Variants in GAS6 observed in about 807,000 individuals in gnomAD.
GAS6 encodes the protein growth arrest-specific protein 6.
Under a neutral mutation model 75.8 loss-of-function variants are expected in GAS6, and 41 were observed. That is an observed-to-expected ratio of 0.54 (90% CI 0.42 to 0.70). GAS6 has a LOEUF of 0.70. Ranked by LOEUF, GAS6 falls within the 30% of genes least tolerant of loss-of-function variation. The pLI is 0.00. For missense variants in GAS6, 854 were observed against 940.2 expected (o/e 0.91, Z 1.20); for synonymous variants, 432 against 412.6 (o/e 1.05, Z -0.57).
At chr13:113,823,598 C>A (rs2051490762) in intron 12 of GAS6, 48 bp from the exon 13 acceptor site, 1 of 1,551,770 alleles carries the variant, frequency 6.4e-7, no homozygotes, top group Non-Finnish European at 8.8e-7. Context: ...GGTGGAGAGG[C>A]CACAGTGAGG....
chr13:113,830,046 G>A (rs1174599235), intron 10 of GAS6, among the ~76,000 whole-genome samples: 1 of 152,270 alleles, frequency 6.6e-6, no homozygotes. Context: ...TGGGCCAGGA[G>A]GGCCCTCGAT....
chr13:113,832,796 C>T (rs760126260), intron 8 of GAS6, 44 bp from the exon 9 acceptor site: 1 of 1,610,954 alleles, frequency 6.2e-7, no homozygotes, highest in South Asian at 1.1e-5. Flanking sequence ...GTGGCCTTCA[C>T]TCCTGCTCCC....
rs751197313 is a variant in GAS6 at position 113,820,923 on chromosome 13, A to G, written c.1978T>C (p.Tyr660His). ...TGGGCCGTGATGTCGCTGTGCTTGTACGCCGCCTCGTCCAGGTCCAGCAGC... is the reference window on the plus strand; with the variant it reads ...TGGGCCGTGATGTCGCTGTGCTTGTGCGCCGCCTCGTCCAGGTCCAGCAGC... ...RRLLDLDEAA[Y>H]KHSDITAHSC... Residue 660 changes from tyrosine to histidine, a missense_variant, in exon 15 of 15, where the codon TAC becomes CAC. Coordinates refer to ENST00000327773, the MANE Select transcript of GAS6 (RefSeq NM_000820.4). 1 of 1,612,184 alleles carries G rather than the reference A, an allele frequency of 6.2e-7. No homozygotes were observed. Among genetic ancestry groups the G allele is most frequent in the Non-Finnish European group, 8.5e-7 (1 of 1,179,876 alleles).
At chr13:113,833,425 GT>G (rs1566360077) in intron 8 of GAS6, 2 of 993,880 alleles carry the variant, frequency 2.0e-6, no homozygotes, top group Non-Finnish European at 2.4e-6. Context: ...CCGAGAAGCT[GT>G]CCTGGTGACT....
At chr13:113,835,362 C>T (rs1566361912) in intron 7 of GAS6, 151 bp downstream of exon 7, 1 of 924,764 alleles carries the variant, frequency 1.1e-6, no homozygotes, top group Non-Finnish European at 1.6e-6. Context: ...GGTGGTAGCA[C>T]AGGCCATTAC....
At position 113,838,053 on chromosome 13, in the gene GAS6, C is replaced by A; in HGVS notation, c.589+16G>T. ...GGGAGAGGAGAGAGGAGAGAGGCCT[C>A]ACCCCAGGGCCTTACCTTGGCAGGT... On this transcript the variant is annotated intron_variant, in intron 6 of 14. Transcript: ENST00000327773. The A allele has an allele frequency of 6.2e-7, 1 of 1,611,488 alleles. No individual in the cohort carries two copies.
In GAS6 at chr13:113,844,550, G is replaced by A. The variant is rs372682339; in HGVS notation, c.343+1977C>T. ...GCAACACTGTTCAGACACAGTCTCC[G>A]ATATATGAATGGCAAGCCCAGTTAA... On this transcript the variant is annotated intron_variant, in intron 4 of 14. Coordinates refer to ENST00000327773, the MANE Select transcript of GAS6 (RefSeq NM_000820.4). The surrounding 1 kb of genome is among the most constrained non-coding windows in gnomAD (Gnocchi z 5.7). 19 of 150,628 alleles carry A rather than the reference G, an allele frequency of 1.3e-4. 1 individual carries two copies. Among genetic ancestry groups the A allele is most frequent in the African/African-American group, 4.7e-4 (19 of 40,042 alleles). 9.3% of individuals were successfully genotyped at this position (150,628 alleles called of 1,614,324 possible).
At position 113,863,614 on chromosome 13, in the gene GAS6, G is replaced by A. The variant is rs1397617596; in HGVS notation, c.216C>T (p.Arg72=). ...TCTCGAACACCTCCCGCGCCTCCTC[G>A]CGGCTGCACAGCTCCTCCACGCACT... ...ERECVEELCS[R]EEAREVFEND... The change falls in exon 2 of 15, where the codon CGC becomes CGT. Residue 72 remains arginine, a synonymous_variant. Coordinates refer to ENST00000327773, the MANE Select transcript of GAS6 (RefSeq NM_000820.4). The surrounding 1 kb of genome is among the most constrained non-coding windows in gnomAD (Gnocchi z 9.4). 1 of 1,525,082 alleles carries A rather than the reference G, an allele frequency of 6.6e-7. No individual in the cohort carries two copies. The allele number at this position is 1,525,082 out of a possible 1,614,324, so 94.5% of individuals were successfully genotyped here.
chr13:113,856,213 C>T (rs1275942755), intron 2 of GAS6, among the ~76,000 whole-genome samples: 2 of 152,238 alleles, frequency 1.3e-5, no homozygotes, highest in African/African-American at 4.8e-5. Flanking sequence ...CACACCAGCA[C>T]CACTCAGCCC....
intron 2 of GAS6, among the ~76,000 whole-genome samples, chr13:113,861,971 G>C (rs1594212501): frequency 6.6e-6 from 1 of 152,230 alleles, no homozygotes; most frequent in African/African-American, 2.4e-5. Context: ...GCCACATGCA[G>C]GAGGGTGAGG....
rs1337920038 is a variant in GAS6 at position 113,820,648 on chromosome 13, T to G, written c.*216A>C. On this transcript the variant is annotated 3_prime_UTR_variant, in exon 15 of 15. Coordinates refer to ENST00000327773, the MANE Select transcript of GAS6 (RefSeq NM_000820.4). ...AGAGAATTATTTTCTTCGAGCCCGC[T>G]CTGCGCTGCGCCGGCCTCCCCGCGC... 1 of 546,088 alleles carries G rather than the reference T, an allele frequency of 1.8e-6. No homozygotes were observed. The highest frequency in any genetic ancestry group is 3.3e-6 in the Non-Finnish European group (1 of 307,050). 33.8% of individuals were successfully genotyped at this position (546,088 alleles called of 1,614,324 possible).
At chr13:113,824,011 C>A (rs73583237) in intron 12 of GAS6, among the ~76,000 whole-genome samples, 3 of 145,114 alleles carry the variant, frequency 2.1e-5, no homozygotes, top group Admixed American at 2.0e-4. Flanking sequence ...AGATAGCATG[C>A]GGACAGGAGC....
chr13:113,832,806 C>T (rs1349508661), intron 8 of GAS6, 54 bp from the exon 9 acceptor site: 2 of 1,610,022 alleles, frequency 1.2e-6, no homozygotes, highest in Admixed American at 1.7e-5. Flanking sequence ...CTCCTGCTCC[C>T]CTGAGCCCCA....
rs145138676 is a variant in GAS6 at position 113,855,303 on chromosome 13, T to G, written c.256-7253A>C. On this transcript the variant is annotated intron_variant, in intron 2 of 14. Coordinates refer to ENST00000327773, the MANE Select transcript of GAS6 (RefSeq NM_000820.4). ...TTGGAGTTTGGGGCCTAGGCTTCCA[T>G]CAGAGTCTTCCCCACAGAAAGCGAA... Among the ~76,000 whole-genome samples the G allele has an allele frequency of 1.1e-3, 173 of 152,214 alleles. 1 individual carries two copies. Among genetic ancestry groups the G allele is most frequent in the African/African-American group, 3.6e-3 (150 of 41,550 alleles).
chr13:113,833,077 A>G (rs2051650397), intron 8 of GAS6: 1 of 1,232,270 alleles, frequency 8.1e-7, no homozygotes, highest in Non-Finnish European at 1.0e-6. Context: ...ATTAAAAAGT[A>G]TACACTATTA....
intron 5 of GAS6, 148 bp from the exon 6 acceptor site, chr13:113,838,339 C>T: frequency 2.2e-6 from 2 of 923,522 alleles, no homozygotes; most frequent in Non-Finnish European, 3.3e-6. Flanking sequence ...GAGAGAGATC[C>T]CAAAGGTGCA....
intron 2 of GAS6, among the ~76,000 whole-genome samples, chr13:113,859,216 A>G (rs529550783): frequency 7.4e-6 from 1 of 135,596 alleles, no homozygotes; most frequent in Non-Finnish European, 1.6e-5. Flanking sequence ...GTGACTGTGT[A>G]CGTATGTGTA....
chr13:113,862,950 G>A (rs2051984339), intron 2 of GAS6, among the ~76,000 whole-genome samples: 1 of 152,112 alleles, frequency 6.6e-6, no homozygotes, highest in Admixed American at 6.5e-5. Flanking sequence ...TGCGGGAGGC[G>A]GCCCCGGGCG....
chr13:113,857,690 A>T (rs1366463625), intron 2 of GAS6, among the ~76,000 whole-genome samples: 1 of 152,220 alleles, frequency 6.6e-6, no homozygotes, highest in African/African-American at 2.4e-5. Flanking sequence ...AAGAAGCCAT[A>T]AGCACTTGCT....
Sources: allele counts gnomAD v4.1 joint callset (sites outside exome capture counted in the v4.1 genomes callset), GRCh38; gene constraint gnomAD v4.1.1; non-coding constraint Gnocchi (gnomAD v3.1); transcripts MANE v1.5; gene names NCBI Gene and HGNC (gene_info 2026-07-23, HGNC 2026-07-21).